Variants in CACNA1D observed in about 807,000 individuals in gnomAD.
CACNA1D encodes voltage-dependent L-type calcium channel subunit alpha-1D.
In CACNA1D, 55 loss-of-function variants were observed where a neutral mutation model predicts 257.1. That is an observed-to-expected ratio of 0.21 (90% confidence interval 0.17 to 0.27). CACNA1D has a LOEUF of 0.27. CACNA1D is among the 10% of genes least tolerant of loss of function. The pLI is 1.00. For missense variants in CACNA1D, 1,876 were observed against 2,784.0 expected (o/e 0.67, Z 7.34); for synonymous variants, 980 against 1,014.9 (o/e 0.97, Z 0.65).
chr3:53,739,481 C>T (rs2095093314), intron 20 of CACNA1D, among the ~76,000 whole-genome samples: 2 of 152,172 alleles, frequency 1.3e-5, no homozygotes, highest in South Asian at 4.1e-4. Context: ...CGAGGAGAAG[C>T]AGGGACCCCA....
chr3:53,620,599 C>T (rs1229200762), intron 3 of CACNA1D, among the ~76,000 whole-genome samples: 1 of 152,176 alleles, frequency 6.6e-6, no homozygotes, highest in Non-Finnish European at 1.5e-5. Context: ...CCTGGTCCCT[C>T]TGTTAAAGCA....
chr3:53,785,362 C>T (rs1472801486), intron 39 of CACNA1D, among the ~76,000 whole-genome samples: 3 of 152,200 alleles, frequency 2.0e-5, no homozygotes, highest in Non-Finnish European at 4.4e-5. Context: ...AACACTTCTC[C>T]AGGCCAGACC....
chr3:53,718,127 G>A (rs1376246715), intron 9 of CACNA1D, among the ~76,000 whole-genome samples, 174 bp from the exon 10 acceptor site: 1 of 152,200 alleles, frequency 6.6e-6, no homozygotes, highest in Non-Finnish European at 1.5e-5. Context: ...CTCGCCTGCA[G>A]TGGAGATGCC....
intron 22 of CACNA1D, among the ~76,000 whole-genome samples, chr3:53,743,545 A>AT (rs2095137555): frequency 6.6e-6 from 1 of 152,148 alleles, no homozygotes; most frequent in Non-Finnish European, 1.5e-5. Flanking sequence ...ACTTCCTTTG[A>AT]TTTTCAGGAT....
chr3:53,502,537 AG>A (rs1471640719), intron 3 of CACNA1D, among the ~76,000 whole-genome samples: 4 of 151,512 alleles, frequency 2.6e-5, no homozygotes, highest in Non-Finnish European at 5.9e-5. Flanking sequence ...CCTTTGGGAA[AG>A]GTTGATATAG....
At chr3:53,614,305 C>T (rs935704231) in intron 3 of CACNA1D, among the ~76,000 whole-genome samples, 3 of 152,092 alleles carry the variant, frequency 2.0e-5, no homozygotes, top group Admixed American at 2.0e-4. Flanking sequence ...TCTCTCTGGT[C>T]CTGTGCTGGT....
At chr3:53,761,904 G>C in intron 29 of CACNA1D, 94 bp from the exon 30 acceptor site, 1 of 865,282 alleles carries the variant, frequency 1.2e-6, no homozygotes, top group Non-Finnish European at 2.0e-6. Context: ...GGGTGCCATG[G>C]GTGCGGCAGG....
intron 3 of CACNA1D, among the ~76,000 whole-genome samples, chr3:53,545,917 C>A (rs35306382): frequency 0.12 from 18,109 of 152,154 alleles, 1,397 homozygotes; most frequent in Middle Eastern, 0.16. Flanking sequence ...CCTTCATGCA[C>A]CCTTCTTATA....
intron 4 of CACNA1D, among the ~76,000 whole-genome samples, chr3:53,654,375 A>G (rs1245390026): frequency 6.6e-6 from 1 of 152,254 alleles, no homozygotes; most frequent in African/African-American, 2.4e-5. Context: ...TGGTGTCTAT[A>G]GCTTCTATAG....
intron 1 of CACNA1D, among the ~76,000 whole-genome samples, chr3:53,496,846 T>C (rs148223972): frequency 2.0e-4 from 30 of 152,252 alleles, no homozygotes; most frequent in African/African-American, 6.3e-4. Flanking sequence ...ATGACCTCAG[T>C]TTTGTCAGAA....
chr3:53,793,112 C>T lies in CACNA1D; in HGVS notation c.4923+6160C>T, dbSNP rs1215089239. 1.3e-5 allele frequency among the ~76,000 whole-genome samples: 2 copies of T among 152,218 alleles called. No individual in the cohort carries two copies. Among genetic ancestry groups the T allele is most frequent in the African/African-American group, 4.8e-5 (2 of 41,452 alleles). ...GCACCTGGTATCAACCGCTGTTACC[C>T]TAGCACCTGAGTCTCCTTCCCCACT... On this transcript the variant is annotated intron_variant, in intron 40 of 47. Transcript: ENST00000350061. This position sits in a 1 kb window ranked among gnomAD's most constrained non-coding sequence, Gnocchi z 4.1.
intron 3 of CACNA1D, among the ~76,000 whole-genome samples, chr3:53,601,384 C>T (rs1305277113): frequency 1.3e-5 from 2 of 152,200 alleles, no homozygotes; most frequent in East Asian, 1.9e-4. Context: ...AGATCTACCC[C>T]TCTTGGGGCT....
chr3:53,710,443 T>C (rs1260735460), intron 9 of CACNA1D: 1 of 456,706 alleles, frequency 2.2e-6, no homozygotes, highest in South Asian at 1.5e-5. Flanking sequence ...AAAAAGAAGT[T>C]TTGCTGCTTT....
At chr3:53,687,168 G>T (rs886448153) in intron 8 of CACNA1D, among the ~76,000 whole-genome samples, 4 of 152,000 alleles carry the variant, frequency 2.6e-5, no homozygotes, top group African/African-American at 9.7e-5. Flanking sequence ...CATGCCCATG[G>T]ATTGAAAGAC....
intron 20 of CACNA1D, among the ~76,000 whole-genome samples, chr3:53,735,930 T>C (rs1009064030): frequency 6.6e-6 from 1 of 152,136 alleles, no homozygotes; most frequent in African/African-American, 2.4e-5. Flanking sequence ...TTGTTCAGGG[T>C]TGGAGGCAAG....
intron 28 of CACNA1D, among the ~76,000 whole-genome samples, chr3:53,752,372 A>G (rs1314632571): frequency 6.6e-6 from 1 of 152,202 alleles, no homozygotes; most frequent in African/African-American, 2.4e-5. Flanking sequence ...TATGCTGTAG[A>G]TAATTCCCCT....
At chr3:53,697,537 A>G (rs921619952) in intron 8 of CACNA1D, among the ~76,000 whole-genome samples, 2 of 152,088 alleles carry the variant, frequency 1.3e-5, no homozygotes, top group Admixed American at 1.3e-4. Flanking sequence ...TAGTGGAGTT[A>G]TATCTTCTAA....
Position 53,751,935 on chromosome 3 carries a change from A to G in CACNA1D, c.3675+28A>G. ...AAAAATGGAGACAGCCGTGGGGATC[A>G]GGTCCGGGCATTCCGCACAGCCCCG... is the stretch of plus-strand genomic sequence containing the variant. On this transcript the variant is annotated intron_variant, in intron 28 of 47. Coordinates refer to ENST00000350061, the MANE Select transcript of CACNA1D (RefSeq NM_001128840.3). This position sits in a 1 kb window ranked among gnomAD's most constrained non-coding sequence, Gnocchi z 4.3. 6.2e-7 allele frequency: 1 copy of G among 1,611,580 alleles called. No individual in the cohort carries two copies. The highest frequency in any genetic ancestry group is 8.5e-7 in the Non-Finnish European group (1 of 1,177,736).
intron 3 of CACNA1D, among the ~76,000 whole-genome samples, chr3:53,513,251 G>A (rs1182656525): frequency 6.6e-6 from 1 of 152,188 alleles, no homozygotes; most frequent in Non-Finnish European, 1.5e-5. Context: ...AAAGTCGGTG[G>A]TCCCATAAGA....
Sources: gnomAD v4.1 joint callset for allele counts (sites outside exome capture counted in the v4.1 genomes callset) on GRCh38, gnomAD v4.1.1 for gene constraint, Gnocchi (gnomAD v3.1) non-coding constraint, MANE v1.5 for transcripts, NCBI Gene and HGNC (gene_info 2026-07-23, HGNC 2026-07-21) for gene names.